CYP2E1: variants seen among roughly 807,000 people sequenced by gnomAD.
CYP2E1 encodes the protein cytochrome P450 2E1.
Under a neutral mutation model 42.9 loss-of-function variants are expected in CYP2E1, and 31 were observed. That is an observed-to-expected ratio of 0.72 (90% CI 0.54 to 0.98). The LOEUF (loss-of-function observed/expected upper bound fraction) is 0.98. CYP2E1 is among the 50% of genes least tolerant of loss of function. The pLI, the probability that CYP2E1 is intolerant of heterozygous loss-of-function variation, is 0.00. For missense variants in CYP2E1, 565 were observed against 633.2 expected, an observed-to-expected ratio of 0.89 and a Z score of 1.16; for synonymous variants, 244 against 248.9, an observed-to-expected ratio of 0.98 and a Z score of 0.19.
In CYP2E1 at chr10:133,531,570, G is replaced by T; in HGVS notation, c.338-15G>T. ...GGGTATTTAGAATAACCTTCTGCTG[G>T]CCCCTCTGCCTTAGGAATCATTTTT... On this transcript the variant is annotated splice_polypyrimidine_tract_variant and intron_variant, in intron 2 of 8. Coordinates refer to ENST00000252945, the MANE Select transcript of CYP2E1 (RefSeq NM_000773.4). The T allele has an allele frequency of 6.2e-7, 1 of 1,613,848 alleles. No homozygotes were observed. The highest frequency in any genetic ancestry group is 8.5e-7 in the Non-Finnish European group (1 of 1,179,918).
At position 133,537,119 on chromosome 10, in the gene CYP2E1, A is replaced by G. The variant is rs754169072; in HGVS notation, c.1024A>G (p.Lys342Glu). 1.4e-5 allele frequency: 22 copies of G among 1,613,904 alleles called. No individual in the cohort carries two copies. Among genetic ancestry groups the G allele is most frequent in the Non-Finnish European group, 1.8e-5 (21 of 1,179,930 alleles). The change falls in exon 7 of 9, where the codon AAG (lysine) becomes GAG (glutamate). Residue 342 changes from lysine (K) to glutamate (E), a missense_variant. Lys to Glu is a moderately conservative substitution (Grantham distance 56). Coordinates refer to ENST00000252945, the MANE Select transcript of CYP2E1 (RefSeq NM_000773.4). ...TGGGCCAAGCCGAATCCCTGCCATC[A>G]AGGATAGGCAAGAGATGCCCTACAT... is the stretch of plus-strand genomic sequence containing the variant. ...VIGPSRIPAIKDRQEMPYMDA... is the reference protein window; with the variant it reads ...VIGPSRIPAIEDRQEMPYMDA...
chr10:133,530,129 C>T (rs1851319336), intron 2 of CYP2E1, among the ~76,000 whole-genome samples: 2 of 152,112 alleles, frequency 1.3e-5, no homozygotes, highest in Non-Finnish European at 2.9e-5. Flanking sequence ...TTCATATGAC[C>T]CGCAGGGCGC....
At chr10:133,528,444 C>T (rs766513448) in intron 1 of CYP2E1, 37 bp from the exon 2 acceptor site, 1 of 1,606,882 alleles carries the variant, frequency 6.2e-7, no homozygotes, top group Non-Finnish European at 8.5e-7. Flanking sequence ...CTCCTCGCCG[C>T]GCGGCGGGCC....
chr10:133,534,335 G>A (rs1851373164), intron 6 of CYP2E1, among the ~76,000 whole-genome samples: 2 of 149,106 alleles, frequency 1.3e-5, no homozygotes. Context: ...GAGGAGGGAA[G>A]TCCAGGAAGA....
chr10:133,538,664 T>C (rs2249695), intron 8 of CYP2E1, 116 bp from the exon 9 acceptor site: 646,826 of 875,910 alleles, frequency 0.74, 243,881 homozygotes, highest in Non-Finnish European at 0.8. Context: ...GAGTCCTGCC[T>C]TGTGATGGCC....
chr10:133,528,013 AC>A (rs1421696557), intron 1 of CYP2E1: 1 of 214,408 alleles, frequency 4.7e-6, no homozygotes, highest in African/African-American at 2.3e-5. Flanking sequence ...CGTTAAATGA[AC>A]TGATAACGCC....
In CYP2E1 at chr10:133,528,491, G is replaced by A. The variant is rs1354838426; in HGVS notation, c.188G>A (p.Arg63His). The change falls in exon 2 of 9, where the codon CGC (arginine) becomes CAC (histidine). Residue 63 changes from arginine to histidine, a missense_variant. Coordinates refer to ENST00000252945, the MANE Select transcript of CYP2E1 (RefSeq NM_000773.4). ...CACGGGTCTCCGCAGTTGGCCCAGC[G>A]CTTCGGGCCGGTGTTCACGCTGTAC... is the stretch of plus-strand genomic sequence containing the variant. ...IPKSFTRLAQ[R>H]FGPVFTLYVG... is the part of the protein sequence containing the mutation. 6.2e-6 allele frequency: 10 copies of A among 1,612,914 alleles called. No homozygotes were observed. The highest frequency in any genetic ancestry group is 3.3e-5 in the Admixed American group (2 of 59,998).
At chr10:133,534,382 C>T (rs1280313947) in intron 6 of CYP2E1, among the ~76,000 whole-genome samples, 1 of 152,086 alleles carries the variant, frequency 6.6e-6, no homozygotes, top group Admixed American at 6.5e-5. Flanking sequence ...GTTCCTTCCA[C>T]AGGGCTCCTC....
At chr10:133,536,117 C>G (rs964961447) in intron 6 of CYP2E1, among the ~76,000 whole-genome samples, 4 of 152,122 alleles carry the variant, frequency 2.6e-5, no homozygotes, top group South Asian at 2.1e-4. Context: ...AATAAACAAG[C>G]CTGGGGTAAT....
chr10:133,528,361 C>T, intron 1 of CYP2E1, 120 bp from the exon 2 acceptor site: 1 of 1,207,978 alleles, frequency 8.3e-7, no homozygotes, highest in Admixed American at 2.4e-5. Flanking sequence ...GACAGCTTTT[C>T]CCCACGTCCC....
intron 6 of CYP2E1, among the ~76,000 whole-genome samples, chr10:133,535,055 G>C (rs1851381387): frequency 6.6e-6 from 1 of 151,884 alleles, no homozygotes; most frequent in Non-Finnish European, 1.5e-5. Flanking sequence ...AAATTATTTT[G>C]GCTGGGCACA....
intron 2 of CYP2E1, among the ~76,000 whole-genome samples, chr10:133,529,496 A>G (rs1158270072): frequency 6.6e-6 from 1 of 152,242 alleles, no homozygotes; most frequent in Non-Finnish European, 1.5e-5. Flanking sequence ...TCCTGGGTCA[A>G]CTTTGATGAC....
At position 133,538,402 on chromosome 10, in the gene CYP2E1, A is replaced by G. The variant is rs1259694191; in HGVS notation, c.1298-378A>G. ...GTGGGAAGATCATACAACCAACTCC[A>G]TACTTTTCACACCCAGTGCTGGAGC... On this transcript the variant is annotated intron_variant, in intron 8 of 8. Coordinates refer to ENST00000252945, the MANE Select transcript of CYP2E1 (RefSeq NM_000773.4). Among the ~76,000 whole-genome samples, 27 of 152,086 alleles carry G rather than the reference A, an allele frequency of 1.8e-4. 1 individual carries two copies. The highest frequency in any genetic ancestry group is 3.7e-4 in the Non-Finnish European group (25 of 68,014).
At chr10:133,534,389 C>T (rs1345150985) in intron 6 of CYP2E1, among the ~76,000 whole-genome samples, 2 of 151,848 alleles carry the variant, frequency 1.3e-5, no homozygotes, top group African/African-American at 2.4e-5. Context: ...CCACAGGGCT[C>T]CTCCCAGCGG....
At chr10:133,531,484 A>G in intron 2 of CYP2E1, 101 bp from the exon 3 acceptor site, 1 of 1,364,710 alleles carries the variant, frequency 7.3e-7, no homozygotes. Context: ...TCACTTCTTT[A>G]TACACCTGTA....
intron 6 of CYP2E1, among the ~76,000 whole-genome samples, chr10:133,536,375 G>A (rs1337930542): frequency 2.0e-5 from 3 of 151,870 alleles, no homozygotes; most frequent in Non-Finnish European, 4.4e-5. Context: ...GTGGGTAGGG[G>A]AGTGGATGGA....
intron 2 of CYP2E1, 155 bp from the exon 3 acceptor site, chr10:133,531,430 A>C: frequency 2.2e-6 from 2 of 898,784 alleles, no homozygotes; most frequent in South Asian, 3.0e-5. Flanking sequence ...GGCAGCTCCC[A>C]GGCTGGGACA....
chr10:133,536,959 G>A (rs1014878319), intron 6 of CYP2E1, 104 bp from the exon 7 acceptor site: 1 of 902,882 alleles, frequency 1.1e-6, no homozygotes, highest in Non-Finnish European at 1.8e-6. Flanking sequence ...TGTGTAGGTG[G>A]GCAGATGGAT....
chr10:133,536,738 TG>T, intron 6 of CYP2E1, among the ~76,000 whole-genome samples: 1 of 23,826 alleles, frequency 4.2e-5, no homozygotes. Flanking sequence ...GTTGGATGGA[TG>T]GGTGGGTGGG....
Sources: gnomAD v4.1 joint callset for allele counts (sites outside exome capture counted in the v4.1 genomes callset) on GRCh38, gnomAD v4.1.1 for gene constraint, MANE v1.5 for transcripts, NCBI Gene and HGNC (gene_info 2026-07-23, HGNC 2026-07-21) for gene names.